FHIT: variants seen among roughly 807,000 people sequenced by gnomAD.
FHIT encodes fragile histidine triad diadenosine triphosphatase, also known as bis(5'-adenosyl)-triphosphatase.
Under a neutral mutation model 17.9 loss-of-function variants are expected in FHIT, and 19 were observed. The ratio of observed to expected loss-of-function variants is 1.06; its 90% CI spans 0.74 to 1.56. The LOEUF (loss-of-function observed/expected upper bound fraction) is 1.56, where lower values mean the gene tolerates loss of function less well. Among genes scored for constraint, FHIT ranks in the 40% most tolerant of loss-of-function variants. FHIT has a pLI of 0.00. For missense variants in FHIT, 248 were observed against 189.2 expected (o/e 1.31, Z -1.82); for synonymous variants, 81 against 69.7 (o/e 1.16, Z -0.81).
At chr3:60,034,172 T>G (rs2106799193) in intron 5 of FHIT, among the ~76,000 whole-genome samples, 1 of 152,306 alleles carries the variant, frequency 6.6e-6, no homozygotes, top group Middle Eastern at 3.4e-3. Context: ...GATCACTTGG[T>G]GAGGATGCTG....
Position 60,746,966 on chromosome 3 carries a change from T to C in FHIT, c.-18+74953A>G, listed in dbSNP as rs530148311. Among the ~76,000 whole-genome samples the C allele has an allele frequency of 5.3e-4, 80 of 152,264 alleles. 1 individual carries two copies. In the South Asian group the frequency reaches 0.016, roughly 31 times the overall value. Reference sequence around the variant, plus strand: ...TATTTATAAAAGCTAGACATGCATTTATTGAACCTACCAGATGTAGGTACT... The same window carrying C: ...TATTTATAAAAGCTAGACATGCATTCATTGAACCTACCAGATGTAGGTACT... On this transcript the variant is annotated intron_variant, in intron 4 of 9. Coordinates refer to ENST00000492590, the MANE Select transcript of FHIT (RefSeq NM_002012.4).
chr3:60,700,231 CT>C (rs2041214495), intron 4 of FHIT, among the ~76,000 whole-genome samples: 1 of 151,496 alleles, frequency 6.6e-6, no homozygotes, highest in African/African-American at 2.4e-5. Context: ...CCCATGGCAA[CT>C]AAAAAAAACA....
chr3:60,702,670 CAT>C (rs1553702496), intron 4 of FHIT, among the ~76,000 whole-genome samples: 1 of 152,094 alleles, frequency 6.6e-6, no homozygotes, highest in Non-Finnish European at 1.5e-5. Context: ...AATCATATCA[CAT>C]GACAGTGAAG....
intron 3 of FHIT, among the ~76,000 whole-genome samples, chr3:60,861,261 T>TACG (rs1703867679): frequency 2.9e-5 from 3 of 103,760 alleles, no homozygotes; most frequent in Admixed American, 1.1e-4. Flanking sequence ...ACATATGATA[T>TACG]ATCATATCAT....
intron 5 of FHIT, among the ~76,000 whole-genome samples, chr3:60,289,841 T>G (rs1305373805): frequency 6.6e-6 from 1 of 152,008 alleles, no homozygotes; most frequent in Non-Finnish European, 1.5e-5. Context: ...ATTCAGCAGA[T>G]ATACAAACTA....
chr3:59,918,309 T>C (rs866227548), intron 8 of FHIT, among the ~76,000 whole-genome samples: 26 of 152,180 alleles, frequency 1.7e-4, no homozygotes, highest in Middle Eastern at 3.4e-3. Context: ...CTGTAACACA[T>C]AATTGGGGGA....
intron 5 of FHIT, among the ~76,000 whole-genome samples, chr3:60,353,167 T>G (rs964756464): frequency 3.0e-4 from 45 of 152,310 alleles, no homozygotes; most frequent in African/African-American, 1.1e-3. Context: ...AGACTTAACC[T>G]AATTCCTTCT....
chr3:60,149,010 C>T (rs74884180), intron 5 of FHIT, among the ~76,000 whole-genome samples: 3,473 of 152,226 alleles, frequency 0.023, 132 homozygotes, highest in African/African-American at 0.074. Context: ...AGGTTCCCTA[C>T]GGTCTGGTAG....
chr3:60,553,015 T>G (rs1019403340), intron 4 of FHIT, among the ~76,000 whole-genome samples: 8 of 152,180 alleles, frequency 5.3e-5, no homozygotes, highest in Non-Finnish European at 1.0e-4. Flanking sequence ...TGAGAGGGAA[T>G]GGCGCCCTGT....
Position 60,696,665 on chromosome 3 carries a change from G to A in FHIT, c.-18+125254C>T, listed in dbSNP as rs563255697. On this transcript the variant is annotated intron_variant, in intron 4 of 9. Coordinates refer to ENST00000492590, the MANE Select transcript of FHIT (RefSeq NM_002012.4). ...TCTGTGGATCAGAGGGCTGGGCTCC[G>A]GAAGACAGTTTTTAAATGTCACTAG... Among the ~76,000 whole-genome samples, 162 of 152,190 alleles carry A rather than the reference G, an allele frequency of 1.1e-3. 2 individuals are homozygous for A. The highest frequency in any genetic ancestry group is 3.7e-3 in the African/African-American group (152 of 41,532).
chr3:59,924,913 C>T (rs544330843), intron 7 of FHIT, among the ~76,000 whole-genome samples: 1 of 152,342 alleles, frequency 6.6e-6, no homozygotes, highest in South Asian at 2.1e-4. Flanking sequence ...ACAATATCCA[C>T]CTGGTTTCTT....
At chr3:60,029,897 C>CTGTGTGTGTCTGTGTGTGTG (rs1354637337) in intron 5 of FHIT, among the ~76,000 whole-genome samples, 26 of 127,906 alleles carry the variant, frequency 2.0e-4, no homozygotes, top group African/African-American at 7.0e-4. Flanking sequence ...GTGTGTGTGT[C>CTGTGTGTGTCTGTGTGTGTG]TGTGTGTGTG....
intron 1 of FHIT, among the ~76,000 whole-genome samples, chr3:61,244,699 T>C (rs2040446596): frequency 6.6e-6 from 1 of 152,216 alleles, no homozygotes; most frequent in Admixed American, 6.5e-5. Context: ...AACATCCTTA[T>C]CTCTGAAAAC....
intron 2 of FHIT, among the ~76,000 whole-genome samples, chr3:61,082,017 C>G (rs924547800): frequency 6.6e-6 from 1 of 151,966 alleles, no homozygotes; most frequent in African/African-American, 2.4e-5. Flanking sequence ...ATTGTCTCAC[C>G]TGGGTAATTG....
chr3:61,106,234 T>C (rs1236096866), intron 2 of FHIT, among the ~76,000 whole-genome samples: 1 of 152,202 alleles, frequency 6.6e-6, no homozygotes, highest in Non-Finnish European at 1.5e-5. Context: ...TTAATATATG[T>C]ATACATTGTG....
chr3:60,588,873 T>C (rs2037990559), intron 4 of FHIT, among the ~76,000 whole-genome samples: 1 of 152,042 alleles, frequency 6.6e-6, no homozygotes, highest in Non-Finnish European at 1.5e-5. Context: ...GTATATGTGT[T>C]GCTTATGGAA....
chr3:61,086,943 T>C (rs1413953562), intron 2 of FHIT, among the ~76,000 whole-genome samples: 1 of 152,124 alleles, frequency 6.6e-6, no homozygotes, highest in East Asian at 1.9e-4. Flanking sequence ...CACTCCCTTG[T>C]TCACTCCTCT....
chr3:60,134,397 T>A (rs1045993141), intron 5 of FHIT, among the ~76,000 whole-genome samples: 5 of 152,220 alleles, frequency 3.3e-5, no homozygotes, highest in Non-Finnish European at 7.3e-5. Context: ...TTCCCTATCA[T>A]AGTTTCAAGT....
At position 59,986,459 on chromosome 3, in the gene FHIT, T is replaced by C. The variant is rs556172342; in HGVS notation, c.279+24912A>G. ...CAGAAGTCTGTGATTGGATCTCCCT[T>C]GGACTCCAAAGGGCTCTGGGTATGA... On this transcript the variant is annotated intron_variant, in intron 7 of 9. Transcript: ENST00000492590. 2.3e-3 allele frequency among the ~76,000 whole-genome samples: 327 copies of C among 142,606 alleles called. 1 individual carries two copies. The highest frequency in any genetic ancestry group is 8.3e-3 in the African/African-American group (308 of 37,246). The allele number at this position is 142,606 out of a possible 152,430, so 93.6% of individuals were successfully genotyped here.
Sources: gnomAD v4.1 joint callset for allele counts (sites outside exome capture counted in the v4.1 genomes callset) on GRCh38, gnomAD v4.1.1 for gene constraint, MANE v1.5 for transcripts, NCBI Gene and HGNC (gene_info 2026-07-23, HGNC 2026-07-21) for gene names.